Variants in RPH3AL observed in about 807,000 individuals in gnomAD.
RPH3AL encodes rab effector Noc2.
In RPH3AL, 38 loss-of-function variants were observed where a neutral mutation model predicts 43.1. The observed-to-expected ratio is 0.88, with a 90% CI of 0.68 to 1.15. RPH3AL has a LOEUF of 1.15. Ranked by LOEUF, RPH3AL falls within the 50% of genes most tolerant of loss-of-function variation. The pLI, the probability that RPH3AL is intolerant of heterozygous loss-of-function variation, is 0.00. For synonymous variants in RPH3AL, 189 were observed against 176.3 expected, an observed-to-expected ratio of 1.07 and a Z score of -0.57; for missense variants, 462 against 423.2, an observed-to-expected ratio of 1.09 and a Z score of -0.81.
intron 5 of RPH3AL, among the ~76,000 whole-genome samples, chr17:315,842 C>T (rs2044099431): frequency 5.3e-5 from 8 of 151,322 alleles, no homozygotes; most frequent in African/African-American, 1.7e-4. Context: ...TGTGCCCCCA[C>T]CTCCATTGAC....
rs188160990 is a variant in RPH3AL at position 321,583 on chromosome 17, G to A, written c.78-168C>T. ...AGATGGCCCAGGTGGCAACAGAGAT[G>A]GCCCAGGTGGCAACAGAGACGGCCC... On this transcript the variant is annotated intron_variant, in intron 3 of 9. Coordinates refer to ENST00000331302, the MANE Select transcript of RPH3AL (RefSeq NM_006987.4). The A allele has an allele frequency of 1.6e-3, 902 of 565,612 alleles. 8 individuals carry two copies. In the African/African-American group the frequency reaches 0.016, roughly 10 times the overall value. The allele number at this position is 565,612 out of a possible 1,614,324, so 35.0% of individuals were successfully genotyped here.
intron 3 of RPH3AL, among the ~76,000 whole-genome samples, chr17:324,291 G>A (rs1160494885): frequency 1.3e-5 from 2 of 152,104 alleles, no homozygotes; most frequent in Non-Finnish European, 2.9e-5. Context: ...CACCTGCTCC[G>A]CCTCCGGGCC....
At chr17:301,512 C>T (rs2043326820) in intron 5 of RPH3AL, among the ~76,000 whole-genome samples, 1 of 152,148 alleles carries the variant, frequency 6.6e-6, no homozygotes. Flanking sequence ...GCCTTGTTGC[C>T]CGGGCTGGTC....
chr17:285,565 G>A (rs2042887599), intron 5 of RPH3AL, among the ~76,000 whole-genome samples: 1 of 152,170 alleles, frequency 6.6e-6, no homozygotes. Flanking sequence ...ACCAGCTGCA[G>A]GTGGCTATTT....
rs1215420104 is a variant in RPH3AL, at chr17:225,476, T to A, written c.614-5740A>T. Among the ~76,000 whole-genome samples the A allele has an allele frequency of 6.6e-6, 1 of 151,906 alleles. No homozygotes were observed. Among genetic ancestry groups the A allele is most frequent in the Non-Finnish European group, 1.5e-5 (1 of 67,962 alleles). On this transcript the variant is annotated intron_variant, in intron 7 of 9. Transcript: ENST00000331302. The surrounding 1 kb of genome is among the most constrained non-coding windows in gnomAD (Gnocchi z 4.4). ...TGAGATGCCAACCTCATGGGTCCCATGAAAAAGGGATAGGAGGAGGTGGGA... is the reference window on the plus strand; with the variant it reads ...TGAGATGCCAACCTCATGGGTCCCAAGAAAAAGGGATAGGAGGAGGTGGGA...
intron 1 of RPH3AL, chr17:338,448 C>A (rs571117951): frequency 3.8e-5 from 2 of 51,968 alleles, no homozygotes; most frequent in South Asian, 9.9e-4. Context: ...CAGAGCAAGA[C>A]CCTGTCTCAA....
intron 5 of RPH3AL, among the ~76,000 whole-genome samples, chr17:313,932 A>T (rs1197263645): frequency 2.0e-5 from 3 of 152,042 alleles, no homozygotes; most frequent in Admixed American, 2.0e-4. Context: ...GAAGCCTCAG[A>T]AGCTCAAAGA....
chr17:242,852 T>A (rs2041599205), intron 7 of RPH3AL, among the ~76,000 whole-genome samples: 1 of 126,626 alleles, frequency 7.9e-6, no homozygotes, highest in Non-Finnish European at 1.7e-5. Context: ...ATTGATTACC[T>A]TCCTCTATTG....
intron 5 of RPH3AL, among the ~76,000 whole-genome samples, chr17:300,822 T>C (rs1252409642): frequency 7.1e-6 from 1 of 140,712 alleles, no homozygotes; most frequent in Non-Finnish European, 1.5e-5. Context: ...TCTTACCCGC[T>C]CTAGCAGGGG....
At chr17:350,525 C>T (rs1414421691) in intron 1 of RPH3AL, among the ~76,000 whole-genome samples, 2 of 152,108 alleles carry the variant, frequency 1.3e-5, no homozygotes, top group Non-Finnish European at 2.9e-5. Flanking sequence ...GCAGGGGAAT[C>T]GCTTGAACCG....
intron 5 of RPH3AL, among the ~76,000 whole-genome samples, chr17:302,316 C>A (rs1480731065): frequency 6.6e-6 from 1 of 152,232 alleles, no homozygotes; most frequent in Admixed American, 6.5e-5. Context: ...GTTCTGAGCA[C>A]AGCTGTCTCC....
At chr17:250,063 C>A (rs888176547) in intron 6 of RPH3AL, among the ~76,000 whole-genome samples, 3 of 144,724 alleles carry the variant, frequency 2.1e-5, no homozygotes, top group Non-Finnish European at 4.5e-5. Context: ...CCTCTGGGAG[C>A]CTTTACTAAG....
chr17:262,358 G>T (rs988501013), intron 6 of RPH3AL, among the ~76,000 whole-genome samples: 1 of 152,110 alleles, frequency 6.6e-6, no homozygotes, highest in Non-Finnish European at 1.5e-5. Flanking sequence ...TGGGATTACA[G>T]GCACCCGCCA....
In RPH3AL at chr17:332,199, C is replaced by G. The variant is rs923026313; in HGVS notation, c.-37+1560G>C. 1.3e-5 allele frequency: 4 copies of G among 317,986 alleles called. No individual in the cohort carries two copies. In the Admixed American group the frequency reaches 1.3e-4, roughly 10 times the overall value. 19.7% of individuals were successfully genotyped at this position (317,986 alleles called of 1,614,324 possible). On this transcript the variant is annotated intron_variant, in intron 2 of 9. Coordinates refer to ENST00000331302, the MANE Select transcript of RPH3AL (RefSeq NM_006987.4). ...GAGCTCTGGCCACTTCCTCCGTAAA[C>G]TAGAGACGTGATCCCCAGGGCCAGG...
chr17:342,496 T>G (rs1173586355), intron 1 of RPH3AL, among the ~76,000 whole-genome samples: 2 of 152,212 alleles, frequency 1.3e-5, no homozygotes, highest in African/African-American at 4.8e-5. Flanking sequence ...AAATATGGTG[T>G]ATCCACACAA....
In RPH3AL at chr17:345,734, C is replaced by T. The variant is rs529766536; in HGVS notation, c.-213+6978G>A. 2.8e-4 allele frequency among the ~76,000 whole-genome samples: 35 copies of T among 124,770 alleles called. 9 individuals are homozygous for T. The highest frequency in any genetic ancestry group is 5.7e-4 in the Non-Finnish European group (31 of 54,338). The allele number at this position is 124,770 out of a possible 152,430, so 81.9% of individuals were successfully genotyped here. ...CATCTGCGTGCATACCCTACTGGGG[C>T]ACGCGTGCTCCCCATCTGCGTGCAC... On this transcript the variant is annotated intron_variant, in intron 1 of 9. Transcript: ENST00000331302.
rs922390915 is a variant in RPH3AL, at chr17:312,113, G to A, written c.351+7307C>T. Among the ~76,000 whole-genome samples, 4 of 152,202 alleles carry A rather than the reference G, an allele frequency of 2.6e-5. No individual in the cohort carries two copies. The South Asian group carries it at 8.3e-4, about 32-fold the overall frequency. Reference sequence around the variant, plus strand: ...GAGGGCTAGTTAGAGACCAGCCCGGGCAACAAAGCGATACCCTGTCTCTAC... The same window carrying A: ...GAGGGCTAGTTAGAGACCAGCCCGGACAACAAAGCGATACCCTGTCTCTAC... On this transcript the variant is annotated intron_variant, in intron 5 of 9. Coordinates refer to ENST00000331302, the MANE Select transcript of RPH3AL (RefSeq NM_006987.4).
At chr17:218,487 G>C (rs2040868508) in intron 8 of RPH3AL, among the ~76,000 whole-genome samples, 1 of 152,254 alleles carries the variant, frequency 6.6e-6, no homozygotes, top group Non-Finnish European at 1.5e-5. Flanking sequence ...GGACCTCCAA[G>C]GCATTTCATT....
intron 1 of RPH3AL, among the ~76,000 whole-genome samples, chr17:347,864 TA>T (rs139569759): frequency 2.0e-5 from 3 of 151,436 alleles, no homozygotes; most frequent in Non-Finnish European, 2.9e-5. Context: ...AATTCAGTGA[TA>T]AAAAAAATGA....
Sources: gnomAD v4.1 joint callset for allele counts (sites outside exome capture counted in the v4.1 genomes callset) on GRCh38, gnomAD v4.1.1 for gene constraint, Gnocchi (gnomAD v3.1) non-coding constraint, MANE v1.5 for transcripts, NCBI Gene and HGNC (gene_info 2026-07-23, HGNC 2026-07-21) for gene names.